The following FHIT variants were observed in gnomAD, a reference collection of about 807,000 sequenced individuals.
The protein encoded by FHIT is bis(5'-adenosyl)-triphosphatase.
A neutral mutation model predicts 17.9 loss-of-function variants in FHIT; 19 were observed. The ratio of observed to expected loss-of-function variants is 1.06; its 90% CI spans 0.74 to 1.56. FHIT has a LOEUF of 1.56. Ranked by LOEUF, FHIT falls within the 40% of genes most tolerant of loss-of-function variation. The pLI, the probability that FHIT is intolerant of heterozygous loss-of-function variation, is 0.00. For synonymous variants in FHIT, 81 were observed against 69.7 expected (o/e 1.16, Z -0.81); for missense variants, 248 against 189.2 (o/e 1.31, Z -1.82).
intron 5 of FHIT, among the ~76,000 whole-genome samples, chr3:60,099,391 G>A (rs1704098942): frequency 6.6e-6 from 1 of 152,120 alleles, no homozygotes; most frequent in Admixed American, 6.5e-5. Context: ...ACCTAAGAGG[G>A]AGCTATAATA....
intron 3 of FHIT, among the ~76,000 whole-genome samples, chr3:60,831,193 A>G (rs1222640262): frequency 6.6e-6 from 1 of 152,218 alleles, no homozygotes; most frequent in Non-Finnish European, 1.5e-5. Flanking sequence ...ATATATAATG[A>G]GGAGATTCTC....
intron 1 of FHIT, among the ~76,000 whole-genome samples, chr3:61,207,798 T>A (rs1437722811): frequency 6.6e-6 from 1 of 152,144 alleles, no homozygotes; most frequent in Non-Finnish European, 1.5e-5. Flanking sequence ...TTTTGAAGGG[T>A]TTTTTGTGTC....
intron 5 of FHIT, among the ~76,000 whole-genome samples, chr3:60,211,371 T>C (rs1703446700): frequency 6.6e-6 from 1 of 151,992 alleles, no homozygotes; most frequent in South Asian, 2.1e-4. Flanking sequence ...AAACAGAGTA[T>C]AAGGGAGATA....
intron 4 of FHIT, among the ~76,000 whole-genome samples, chr3:60,561,652 G>A (rs1449795331): frequency 6.6e-6 from 1 of 152,128 alleles, no homozygotes; most frequent in Non-Finnish European, 1.5e-5. Flanking sequence ...GAGCTTTGTA[G>A]TTCTGACACC....
At chr3:60,679,911 T>C (rs1031939321) in intron 4 of FHIT, among the ~76,000 whole-genome samples, 1 of 152,214 alleles carries the variant, frequency 6.6e-6, no homozygotes, top group East Asian at 1.9e-4. Flanking sequence ...CATATATTTA[T>C]AGTTATTCTT....
intron 5 of FHIT, among the ~76,000 whole-genome samples, chr3:60,159,242 C>T (rs557948525): frequency 7.2e-5 from 11 of 152,174 alleles, no homozygotes; most frequent in Admixed American, 2.6e-4. Context: ...TGCCTCAGCC[C>T]TCCAACTAGC....
At chr3:59,761,938 A>G (rs1456147826) in intron 8 of FHIT, among the ~76,000 whole-genome samples, 1 of 152,168 alleles carries the variant, frequency 6.6e-6, no homozygotes, top group Non-Finnish European at 1.5e-5. Context: ...TTATTAAGTC[A>G]GGAACTTTCA....
chr3:61,019,878 A>T (rs1200960213), intron 3 of FHIT, among the ~76,000 whole-genome samples: 1 of 151,684 alleles, frequency 6.6e-6, no homozygotes, highest in Admixed American at 6.6e-5. Context: ...CTTTTTTTTT[A>T]ATTATACTTT....
At chr3:61,134,132 A>ACACACACACACACACAC (rs1455630506) in intron 2 of FHIT, among the ~76,000 whole-genome samples, 1 of 37,246 alleles carries the variant, frequency 2.7e-5, no homozygotes, top group Non-Finnish European at 6.6e-5. Context: ...CACACACACA[A>ACACACACACACACACAC]AGAGGTCAAG....
At chr3:59,790,845 G>C (rs1015234866) in intron 8 of FHIT, among the ~76,000 whole-genome samples, 1 of 152,068 alleles carries the variant, frequency 6.6e-6, no homozygotes, top group African/African-American at 2.4e-5. Context: ...TGGTTGGTAG[G>C]TGCTAAGTAA....
At chr3:61,029,214 G>A (rs1424654234) in intron 3 of FHIT, among the ~76,000 whole-genome samples, 1 of 152,094 alleles carries the variant, frequency 6.6e-6, no homozygotes, top group Non-Finnish European at 1.5e-5. Context: ...TACCTTAATT[G>A]TTGTTAAATA....
At chr3:60,440,060 T>C (rs1016316172) in intron 5 of FHIT, among the ~76,000 whole-genome samples, 1 of 152,084 alleles carries the variant, frequency 6.6e-6, no homozygotes, top group South Asian at 2.1e-4. Context: ...TAAGCCAACC[T>C]AGCCCCCAGA....
chr3:60,766,986 G>T (rs1699878237), intron 4 of FHIT, among the ~76,000 whole-genome samples: 3 of 152,112 alleles, frequency 2.0e-5, no homozygotes, highest in Admixed American at 6.5e-5. Flanking sequence ...CATTTTTCAT[G>T]CTCATCCTAA....
intron 5 of FHIT, among the ~76,000 whole-genome samples, chr3:60,130,789 G>GTGTGTA (rs1559660689): frequency 1.5e-4 from 20 of 136,094 alleles, no homozygotes; most frequent in African/African-American, 5.3e-4. Context: ...TGTGTGGTGT[G>GTGTGTA]TATATACACA....
chr3:60,337,822 T>C (rs1001605755), intron 5 of FHIT, among the ~76,000 whole-genome samples: 4 of 152,148 alleles, frequency 2.6e-5, no homozygotes, highest in Admixed American at 6.5e-5. Flanking sequence ...CTTGGGGGAC[T>C]GGAATGTCTG....
At chr3:60,447,895 G>A (rs564174724) in intron 5 of FHIT, among the ~76,000 whole-genome samples, 1 of 152,272 alleles carries the variant, frequency 6.6e-6, no homozygotes, top group South Asian at 2.1e-4. Flanking sequence ...CGATTACCAT[G>A]TGTTACCTCC....
At position 60,348,813 on chromosome 3, in the gene FHIT, C is replaced by G. The variant is rs544303183; in HGVS notation, c.103+188047G>C. On this transcript the variant is annotated intron_variant, in intron 5 of 9. Coordinates refer to ENST00000492590, the MANE Select transcript of FHIT (RefSeq NM_002012.4). ...GGCTTTGTGTATTTCTCTTTGTGCT[C>G]TTCCTATTTGCCATCAGCATTAGAA... Among the ~76,000 whole-genome samples, 138 of 152,328 alleles carry G rather than the reference C, an allele frequency of 9.1e-4. 1 individual carries two copies. The highest frequency in any genetic ancestry group is 1.7e-3 in the Non-Finnish European group (119 of 68,018).
intron 3 of FHIT, among the ~76,000 whole-genome samples, chr3:61,031,231 T>C (rs907309307): frequency 1.3e-5 from 2 of 152,224 alleles, no homozygotes; most frequent in African/African-American, 4.8e-5. Context: ...GAGAAGCTTG[T>C]TAATGATACA....
intron 5 of FHIT, among the ~76,000 whole-genome samples, chr3:60,488,646 C>T (rs430270): frequency 6.6e-6 from 1 of 151,882 alleles, no homozygotes; most frequent in Non-Finnish European, 1.5e-5. Flanking sequence ...ATATTTCAAT[C>T]TTTTAATTAC....
Sources: allele counts gnomAD v4.1 joint callset (sites outside exome capture counted in the v4.1 genomes callset), GRCh38; gene constraint gnomAD v4.1.1; transcripts MANE v1.5; gene names NCBI Gene and HGNC (gene_info 2026-07-23, HGNC 2026-07-21).